Variants in NTRK3 observed in about 807,000 individuals in gnomAD.
NTRK3 encodes NT-3 growth factor receptor.
Under a neutral mutation model 91.7 loss-of-function variants are expected in NTRK3, and 24 were observed. The ratio of observed to expected loss-of-function variants is 0.26; its 90% CI spans 0.19 to 0.37. The LOEUF is 0.37. Ranked by LOEUF, NTRK3 falls within the 10% of genes least tolerant of loss-of-function variation. The pLI, the probability that NTRK3 is intolerant of heterozygous loss-of-function variation, is 1.00. For synonymous variants in NTRK3, 483 were observed against 404.0 expected, an observed-to-expected ratio of 1.20 and a Z score of -2.34; for missense variants, 880 against 1,068.9, an observed-to-expected ratio of 0.82 and a Z score of 2.46.
At chr15:87,976,030 G>T (rs1380374372) in intron 14 of NTRK3, among the ~76,000 whole-genome samples, 3 of 151,930 alleles carry the variant, frequency 2.0e-5, no homozygotes, top group African/African-American at 7.3e-5. Context: ...TATTCTCAGG[G>T]GCCATCTTTA....
At position 88,233,234 on chromosome 15, in the gene NTRK3, C is replaced by G. The variant is rs1272039219; in HGVS notation, c.248+22672G>C. 6.6e-6 allele frequency among the ~76,000 whole-genome samples: 1 copy of G among 152,092 alleles called. No individual in the cohort carries two copies. Among genetic ancestry groups the G allele is most frequent in the Non-Finnish European group, 1.5e-5 (1 of 68,022 alleles). ...AGAGCACATTGCCAATAAATAACCCCCCCGCCCCCAGTGTAATCTCTCAGT... is the reference window on the plus strand; with the variant it reads ...AGAGCACATTGCCAATAAATAACCCGCCCGCCCCCAGTGTAATCTCTCAGT... On this transcript the variant is annotated intron_variant, in intron 3 of 18. Coordinates refer to ENST00000394480, the Ensembl canonical transcript of NTRK3. This position sits in a 1 kb window ranked among gnomAD's most constrained non-coding sequence, Gnocchi z 4.2.
At chr15:88,217,267 A>T (rs537037692) in intron 3 of NTRK3, among the ~76,000 whole-genome samples, 3 of 152,344 alleles carry the variant, frequency 2.0e-5, no homozygotes, top group African/African-American at 7.2e-5. Flanking sequence ...GCCCAAAAAG[A>T]TTAAAGGTCT....
intron 14 of NTRK3, chr15:87,979,369 G>T: frequency 6.2e-7 from 1 of 1,613,562 alleles, no homozygotes; most frequent in Non-Finnish European, 8.5e-7. Context: ...GTCCTTTGCT[G>T]AAATAAACAT....
intron 6 of NTRK3, among the ~76,000 whole-genome samples, chr15:88,140,204 C>T (rs2042259575): frequency 6.6e-6 from 1 of 152,050 alleles, no homozygotes; most frequent in African/African-American, 2.4e-5. Context: ...AAGAGAAATC[C>T]AACAATAGTG....
intron 13 of NTRK3, among the ~76,000 whole-genome samples, chr15:88,125,897 G>A (rs1426301): frequency 0.2 from 30,193 of 152,134 alleles, 3,161 homozygotes; most frequent in South Asian, 0.29. Flanking sequence ...AAAAACAAGA[G>A]GAAAACCGTG....
intron 5 of NTRK3, among the ~76,000 whole-genome samples, chr15:88,155,298 G>A (rs1053516035): frequency 2.0e-5 from 3 of 152,208 alleles, no homozygotes; most frequent in African/African-American, 7.2e-5. Context: ...CAATGTTGCT[G>A]GCTTTGAAGA....
At chr15:88,075,050 A>G (rs141582727) in intron 13 of NTRK3, among the ~76,000 whole-genome samples, 1 of 152,290 alleles carries the variant, frequency 6.6e-6, no homozygotes, top group Non-Finnish European at 1.5e-5. Context: ...TTAATGGACT[A>G]TAAGGCACCT....
chr15:88,135,427 G>T lies in NTRK3; in HGVS notation c.908-30C>A, dbSNP rs1202354281. On this transcript the variant is annotated intron_variant, in intron 9 of 18. Coordinates refer to ENST00000394480, the Ensembl canonical transcript of NTRK3. The stretch of plus-strand genomic sequence containing the variant: ...CAAGGGAGAAGCCTGCTGAAATCCA[G>T]GACACAGAGTCTACCACCTCCTGCA... 3 of 1,608,518 alleles carry T rather than the reference G, an allele frequency of 1.9e-6. No individual in the cohort carries two copies. In the African/African-American group the frequency reaches 4.0e-5, roughly 21 times the overall value.
At chr15:87,978,672 G>A (rs892351466) in intron 14 of NTRK3, 1 of 232,800 alleles carries the variant, frequency 4.3e-6, no homozygotes. Flanking sequence ...CCAGAGAGAA[G>A]AGGAAGTAGG....
Position 88,256,498 on chromosome 15 carries a change from T to G in NTRK3, c.-218-12A>C. On this transcript the variant is annotated splice_polypyrimidine_tract_variant and intron_variant, in intron 1 of 18. Coordinates refer to ENST00000394480, the Ensembl canonical transcript of NTRK3. ...CTCCGACTCCGAGACTTTGCAGGGT[T>G]GCAACAGACGGTGGGGAGGCAAAAA... 2 of 503,802 alleles carry G rather than the reference T, an allele frequency of 4.0e-6. No individual in the cohort carries two copies. The highest frequency in any genetic ancestry group is 3.5e-5 in the South Asian group (1 of 28,936). 31.2% of individuals were successfully genotyped at this position (503,802 alleles called of 1,614,324 possible). A position where few individuals can be genotyped will look rare whatever the true frequency, so the allele number is the denominator to read the frequency against.
At chr15:87,908,366 G>C (rs2066895154) in intron 17 of NTRK3, 1 of 397,344 alleles carries the variant, frequency 2.5e-6, no homozygotes, top group Non-Finnish European at 4.4e-6. Flanking sequence ...GGGAGGCAAG[G>C]AAAAAGAGGT....
At chr15:88,040,152 G>A (rs1447377272) in intron 13 of NTRK3, among the ~76,000 whole-genome samples, 1 of 152,238 alleles carries the variant, frequency 6.6e-6, no homozygotes, top group Non-Finnish European at 1.5e-5. Context: ...TTGCTTCTAA[G>A]AGAAGTTACT....
intron 5 of NTRK3, among the ~76,000 whole-genome samples, chr15:88,163,510 T>C (rs2044657076): frequency 6.6e-6 from 1 of 152,216 alleles, no homozygotes; most frequent in South Asian, 2.1e-4. Flanking sequence ...TCAAATCATG[T>C]ATCTCTCAAA....
At chr15:88,109,239 G>A (rs1026267727) in intron 13 of NTRK3, among the ~76,000 whole-genome samples, 1 of 152,174 alleles carries the variant, frequency 6.6e-6, no homozygotes, top group Non-Finnish European at 1.5e-5. Flanking sequence ...GTGGACAGGT[G>A]CAGTAGCCAG....
intron 13 of NTRK3, among the ~76,000 whole-genome samples, chr15:88,056,370 A>C (rs1258994079): frequency 6.6e-6 from 1 of 151,908 alleles, no homozygotes; most frequent in East Asian, 1.9e-4. Context: ...TTGGAGATGA[A>C]GGGAGATGAT....
At chr15:88,227,773 C>T (rs2050805362) in intron 3 of NTRK3, among the ~76,000 whole-genome samples, 1 of 152,066 alleles carries the variant, frequency 6.6e-6, no homozygotes, top group Non-Finnish European at 1.5e-5. Flanking sequence ...CCTTTACCCA[C>T]CTCAGTTCTG....
intron 3 of NTRK3, among the ~76,000 whole-genome samples, chr15:88,244,149 C>G (rs1413131677): frequency 6.6e-6 from 1 of 152,156 alleles, no homozygotes; most frequent in African/African-American, 2.4e-5. Flanking sequence ...ATGACCCCAG[C>G]AGGCCAAGGG....
exon 5 of NTRK3, chr15:88,183,478 T>C (rs961631949): frequency 6.2e-7 from 1 of 1,613,978 alleles, no homozygotes; most frequent in Non-Finnish European, 8.5e-7. Flanking sequence ...AAGTCCTGAG[T>C]TCTTGATGGT....
intron 13 of NTRK3, among the ~76,000 whole-genome samples, chr15:88,124,456 G>C (rs2053072649): frequency 6.6e-6 from 1 of 152,206 alleles, no homozygotes; most frequent in Non-Finnish European, 1.5e-5. Flanking sequence ...TTACAGCACT[G>C]CCAAGCATGT....
Sources: gnomAD v4.1 joint callset for allele counts (sites outside exome capture counted in the v4.1 genomes callset) on GRCh38, gnomAD v4.1.1 for gene constraint, Gnocchi (gnomAD v3.1) non-coding constraint, MANE v1.5 for transcripts, NCBI Gene and HGNC (gene_info 2026-07-23, HGNC 2026-07-21) for gene names.